The following IRAG1 variants were observed in gnomAD, a reference collection of about 807,000 sequenced individuals.
IRAG1 encodes the protein IP3R-associated cGMP kinase substrate.
In IRAG1, 62 loss-of-function variants were observed where a neutral mutation model predicts 106.2. The observed-to-expected ratio is 0.58, with a 90% confidence interval of 0.48 to 0.72. The LOEUF is 0.72. Ranked by LOEUF, IRAG1 falls within the 30% of genes least tolerant of loss-of-function variation. IRAG1 has a pLI of 0.00. For missense variants in IRAG1, 1,064 were observed against 1,140.7 expected (o/e 0.93, Z 0.97); for synonymous variants, 462 against 443.9 (o/e 1.04, Z -0.51).
Position 10,614,721 on chromosome 11 carries a change from G to A in IRAG1, c.1448-4870C>T, listed in dbSNP as rs770388371. On this transcript the variant is annotated intron_variant, in intron 10 of 20. Coordinates refer to ENST00000423302, the MANE Select transcript of IRAG1 (RefSeq NM_130385.4). ...AGTCCTATTTAATAAATGGTGCTGG[G>A]AAAACTGGCTAGCCATATGTAGAAA... Among the ~76,000 whole-genome samples, 149 of 152,190 alleles carry A rather than the reference G, an allele frequency of 9.8e-4. 5 individuals carry two copies. The highest frequency in any genetic ancestry group is 6.3e-4 in the Non-Finnish European group (43 of 68,020).
intron 2 of IRAG1, among the ~76,000 whole-genome samples, chr11:10,636,333 C>G (rs555288148): frequency 1.5e-4 from 23 of 152,272 alleles, no homozygotes; most frequent in African/African-American, 5.5e-4. Flanking sequence ...CACCACCACG[C>G]CTGGCTGACT....
chr11:10,586,500 C>T (rs1027715858), intron 18 of IRAG1, among the ~76,000 whole-genome samples: 10 of 151,752 alleles, frequency 6.6e-5, no homozygotes, highest in East Asian at 1.9e-4. Context: ...ACACTGCAAC[C>T]TCCACCTCCC....
rs760811555 is a variant in IRAG1, at chr11:10,626,347, C to T, written c.987G>A (p.Glu329=). ...NSPQPGPVES[E]LGKQLLKTGW... is the part of the protein sequence containing the mutation. ...CCGTTTTCAAGAGCTGCTTCCCCAGCTCGCTCTCCACGGGGCCAGGCTGAG... is the reference window on the plus strand; with the variant it reads ...CCGTTTTCAAGAGCTGCTTCCCCAGTTCGCTCTCCACGGGGCCAGGCTGAG... The change falls in exon 9 of 21, where the codon GAG becomes GAA. Residue 329 remains glutamate (E), a synonymous_variant. Coordinates refer to ENST00000423302, the MANE Select transcript of IRAG1 (RefSeq NM_130385.4). The T allele has an allele frequency of 1.5e-5, 24 of 1,613,636 alleles. No homozygotes were observed. The East Asian group carries it at 5.3e-4, about 36-fold the overall frequency.
chr11:10,618,148 C>T (rs1486977655), intron 10 of IRAG1, among the ~76,000 whole-genome samples: 3 of 152,134 alleles, frequency 2.0e-5, no homozygotes, highest in African/African-American at 4.8e-5. Context: ...TCCTTCTGTT[C>T]CTGAAGTATG....
At chr11:10,585,260 C>T (rs1272637572) in intron 18 of IRAG1, among the ~76,000 whole-genome samples, 2 of 152,116 alleles carry the variant, frequency 1.3e-5, no homozygotes, top group African/African-American at 4.8e-5. Flanking sequence ...ATTTCATCGA[C>T]TCTTTTACAT....
At chr11:10,687,351 C>G (rs1252431120) in intron 1 of IRAG1, among the ~76,000 whole-genome samples, 2 of 152,242 alleles carry the variant, frequency 1.3e-5, no homozygotes, top group Non-Finnish European at 2.9e-5. Context: ...TCAGCCCTCC[C>G]TCTTCTGTTT....
At position 10,674,884 on chromosome 11, in the gene IRAG1, C is replaced by T. The variant is rs375991285; in HGVS notation, c.67+18652G>A. On this transcript the variant is annotated intron_variant, in intron 1 of 20. Coordinates refer to ENST00000423302, the MANE Select transcript of IRAG1 (RefSeq NM_130385.4). ...CCAGATTTAGCGAGAGTCCAAGCTA[C>T]ACAATATTCCTGAAATAGCCCCAAG... Among the ~76,000 whole-genome samples the T allele has an allele frequency of 1.3e-3, 201 of 152,316 alleles. 1 individual carries two copies. The highest frequency in any genetic ancestry group is 1.2e-3 in the East Asian group (6 of 5,174).
chr11:10,682,943 A>G (rs1861378707), intron 1 of IRAG1, among the ~76,000 whole-genome samples: 1 of 152,210 alleles, frequency 6.6e-6, no homozygotes. Flanking sequence ...AGAGACCAGG[A>G]GCTTCTGGAA....
At chr11:10,654,615 C>T (rs1479397206) in intron 1 of IRAG1, among the ~76,000 whole-genome samples, 1 of 152,090 alleles carries the variant, frequency 6.6e-6, no homozygotes, top group Non-Finnish European at 1.5e-5. Context: ...AACATAGAGC[C>T]CAGTGGTAGG....
At chr11:10,688,491 A>G (rs570868246) in intron 1 of IRAG1, among the ~76,000 whole-genome samples, 2 of 152,280 alleles carry the variant, frequency 1.3e-5, no homozygotes, top group East Asian at 3.9e-4. Flanking sequence ...TATCAGCCAC[A>G]GAACTCTCTG....
chr11:10,582,182 C>A (rs1851462668), intron 18 of IRAG1, among the ~76,000 whole-genome samples, 196 bp from the exon 19 acceptor site: 1 of 152,194 alleles, frequency 6.6e-6, no homozygotes, highest in Non-Finnish European at 1.5e-5. Context: ...TTTCCCCAGC[C>A]CATTAAATAC....
At chr11:10,580,307 T>C in intron 20 of IRAG1, 148 bp downstream of exon 20, 1 of 1,192,208 alleles carries the variant, frequency 8.4e-7, no homozygotes, top group Non-Finnish European at 1.2e-6. Flanking sequence ...CCAACATGTG[T>C]GCCCTCTTGG....
At position 10,657,509 on chromosome 11, in the gene IRAG1, G is replaced by T. The variant is rs1050088632; in HGVS notation, c.68-5327C>A. 6.6e-6 allele frequency among the ~76,000 whole-genome samples: 1 copy of T among 152,188 alleles called. No individual in the cohort carries two copies. Among genetic ancestry groups the T allele is most frequent in the African/African-American group, 2.4e-5 (1 of 41,444 alleles). On this transcript the variant is annotated intron_variant, in intron 1 of 20. Transcript: ENST00000423302. The surrounding 1 kb of genome is among the most constrained non-coding windows in gnomAD (Gnocchi z 4.1). ...GCTAAGCGGCTCTCAGATTCTCTCT[G>T]TGAATCTTTGAGCATTGAGGGAAGA...
At chr11:10,689,226 T>C (rs1564947353) in intron 1 of IRAG1, among the ~76,000 whole-genome samples, 1 of 152,054 alleles carries the variant, frequency 6.6e-6, no homozygotes. Flanking sequence ...AACAGAAAGA[T>C]GGTGAAGGCA....
At chr11:10,591,166 C>T (rs1413029102) in intron 18 of IRAG1, among the ~76,000 whole-genome samples, 2 of 152,310 alleles carry the variant, frequency 1.3e-5, no homozygotes, top group South Asian at 4.1e-4. Context: ...TGGCCAGAGG[C>T]AAGGAAGTTG....
intron 15 of IRAG1, among the ~76,000 whole-genome samples, chr11:10,595,139 G>A (rs748548096): frequency 6.7e-6 from 1 of 149,008 alleles, no homozygotes; most frequent in Non-Finnish European, 1.5e-5. Flanking sequence ...TGGCCAGGCT[G>A]GTCTCCAACT....
At chr11:10,650,796 A>T (rs1858421105) in intron 2 of IRAG1, among the ~76,000 whole-genome samples, 1 of 152,190 alleles carries the variant, frequency 6.6e-6, no homozygotes, top group African/African-American at 2.4e-5. Flanking sequence ...TGTCACTTAG[A>T]CATTCAAGGG....
At chr11:10,588,444 G>A (rs535482592) in intron 18 of IRAG1, among the ~76,000 whole-genome samples, 3 of 152,154 alleles carry the variant, frequency 2.0e-5, no homozygotes, top group Non-Finnish European at 2.9e-5. Context: ...CTCCCGGCTG[G>A]GGTCAAGCCA....
chr11:10,619,110 C>T (rs956157194), intron 10 of IRAG1, among the ~76,000 whole-genome samples: 1 of 152,114 alleles, frequency 6.6e-6, no homozygotes, highest in South Asian at 2.1e-4. Context: ...AAGAACTGGC[C>T]CACAGTCAGT....
Sources: gnomAD v4.1 joint callset for allele counts (sites outside exome capture counted in the v4.1 genomes callset) on GRCh38, gnomAD v4.1.1 for gene constraint, Gnocchi (gnomAD v3.1) non-coding constraint, MANE v1.5 for transcripts, NCBI Gene and HGNC (gene_info 2026-07-23, HGNC 2026-07-21) for gene names.